Variants in CENPW observed in about 807,000 individuals in gnomAD.
CENPW encodes centromere protein W.
A neutral mutation model predicts 11.1 loss-of-function variants in CENPW; 3 were observed. That is an observed-to-expected ratio of 0.27 (90% CI 0.12 to 0.70). The LOEUF is 0.70. Among genes scored for constraint, CENPW ranks in the 30% least tolerant of loss-of-function variants. The pLI, the probability that CENPW is intolerant of heterozygous loss-of-function variation, is 0.77. For synonymous variants in CENPW, 38 were observed against 42.0 expected (o/e 0.91, Z 0.37); for missense variants, 100 against 105.6 (o/e 0.95, Z 0.23).
At chr6:126,482,112 G>T in the CENPW span, among the ~76,000 whole-genome samples, 1 of 152,006 alleles carries the variant, frequency 6.6e-6, no homozygotes, top group African/African-American at 2.4e-5. Flanking sequence ...TTGTGGTAGA[G>T]AATTTTTATT....
chr6:126,355,989 G>A, the CENPW span, among the ~76,000 whole-genome samples: 1 of 152,084 alleles, frequency 6.6e-6, no homozygotes, highest in Non-Finnish European at 1.5e-5. Flanking sequence ...TAACTGTAAG[G>A]ATAACAATCC....
chr6:126,350,561 T>C (rs1185574904), downstream of CENPW, among the ~76,000 whole-genome samples: 2 of 152,172 alleles, frequency 1.3e-5, no homozygotes, highest in Non-Finnish European at 2.9e-5. Context: ...TGTAAGAATT[T>C]TGGGGGACAC....
In CENPW at chr6:126,348,826, A is replaced by G. The variant is rs1308046136; in HGVS notation, c.*334A>G. Reference sequence around the variant, plus strand: ...GTACTTCTTAGAATTAAGTTTATATATATTTAGATTTAGCCACAGTTAACT... The same window carrying G: ...GTACTTCTTAGAATTAAGTTTATATGTATTTAGATTTAGCCACAGTTAACT... On this transcript the variant is annotated 3_prime_UTR_variant, in exon 3 of 3. Coordinates refer to ENST00000368328, the MANE Select transcript of CENPW (RefSeq NM_001012507.4). 1 of 168,776 alleles carries G rather than the reference A, an allele frequency of 5.9e-6. No homozygotes were observed. Among genetic ancestry groups the G allele is most frequent in the African/African-American group, 2.4e-5 (1 of 42,094 alleles). The allele number at this position is 168,776 out of a possible 1,614,324, so 10.5% of individuals were successfully genotyped here.
the CENPW span, among the ~76,000 whole-genome samples, chr6:126,388,259 A>G: frequency 1.3e-5 from 2 of 152,006 alleles, no homozygotes; most frequent in Non-Finnish European, 2.9e-5. Flanking sequence ...CTTAAAAAAT[A>G]CCAGATGCTA....
chr6:126,426,514 A>G, the CENPW span, among the ~76,000 whole-genome samples: 1 of 152,184 alleles, frequency 6.6e-6, no homozygotes, highest in Non-Finnish European at 1.5e-5. Context: ...ATCAATAATC[A>G]AGATATACAT....
the CENPW span, among the ~76,000 whole-genome samples, chr6:126,383,603 GA>G: frequency 6.7e-6 from 1 of 149,680 alleles, no homozygotes; most frequent in Admixed American, 6.6e-5. Flanking sequence ...ATGGAAAAAA[GA>G]AAAAAAAATC....
chr6:126,417,057 C>T, the CENPW span, among the ~76,000 whole-genome samples: 1 of 152,200 alleles, frequency 6.6e-6, no homozygotes, highest in South Asian at 2.1e-4. Context: ...AGGATGTACT[C>T]TTCAAAGCCA....
At chr6:126,401,432 A>G in the CENPW span, among the ~76,000 whole-genome samples, 1 of 151,620 alleles carries the variant, frequency 6.6e-6, no homozygotes. Flanking sequence ...GGTGGATGGG[A>G]TTGTCCTGTT....
At chr6:126,399,820 G>A in the CENPW span, among the ~76,000 whole-genome samples, 1 of 151,866 alleles carries the variant, frequency 6.6e-6, no homozygotes, top group Admixed American at 6.6e-5. Context: ...GTTTCTTGGT[G>A]CCCTTTCTAG....
At chr6:126,366,314 G>T in the CENPW span, among the ~76,000 whole-genome samples, 1 of 151,992 alleles carries the variant, frequency 6.6e-6, no homozygotes, top group Non-Finnish European at 1.5e-5. Context: ...TTGCTAAACT[G>T]TTTAGTGAAA....
At chr6:126,395,419 C>T in the CENPW span, among the ~76,000 whole-genome samples, 1 of 152,102 alleles carries the variant, frequency 6.6e-6, no homozygotes, top group Admixed American at 6.5e-5. Context: ...AAATTTATCT[C>T]ATAGAACTCA....
chr6:126,473,270 G>A, the CENPW span, among the ~76,000 whole-genome samples: 1 of 152,024 alleles, frequency 6.6e-6, no homozygotes, highest in Non-Finnish European at 1.5e-5. Flanking sequence ...AATCTCTTAA[G>A]TAAATACCTA....
At chr6:126,411,741 C>T in the CENPW span, among the ~76,000 whole-genome samples, 5 of 152,112 alleles carry the variant, frequency 3.3e-5, no homozygotes, top group Non-Finnish European at 7.4e-5. Context: ...AAAGAAGCTT[C>T]AATTTGGGAA....
At chr6:126,365,530 G>A in the CENPW span, among the ~76,000 whole-genome samples, 1 of 152,098 alleles carries the variant, frequency 6.6e-6, no homozygotes, top group African/African-American at 2.4e-5. Context: ...TCTGTTATGA[G>A]AACAGCAAGG....
the CENPW span, among the ~76,000 whole-genome samples, chr6:126,475,837 C>T: frequency 6.6e-6 from 1 of 151,992 alleles, no homozygotes; most frequent in African/African-American, 2.4e-5. Context: ...TCAGTTTACA[C>T]CACTCTTGAT....
the CENPW span, among the ~76,000 whole-genome samples, chr6:126,396,226 G>A: frequency 6.6e-6 from 1 of 152,016 alleles, no homozygotes. Context: ...AAGCTACCAT[G>A]ACTAAGCTGA....
the CENPW span, among the ~76,000 whole-genome samples, chr6:126,472,900 T>C: frequency 2.0e-5 from 3 of 152,160 alleles, no homozygotes; most frequent in Non-Finnish European, 4.4e-5. Context: ...TTTAAAAAAG[T>C]CAACCAAAGA....
the CENPW span, among the ~76,000 whole-genome samples, chr6:126,387,056 T>G: frequency 6.6e-6 from 1 of 152,130 alleles, no homozygotes; most frequent in Admixed American, 6.6e-5. Context: ...GTTAACTGAC[T>G]AGTGAAACAA....
At chr6:126,347,903 A>G (rs573393660) in intron 2 of CENPW, among the ~76,000 whole-genome samples, 1 of 151,992 alleles carries the variant, frequency 6.6e-6, no homozygotes, top group South Asian at 2.1e-4. Flanking sequence ...ACAGACTATT[A>G]TTTTGAAAAT....
Sources: gnomAD v4.1 joint callset for allele counts (sites outside exome capture counted in the v4.1 genomes callset) on GRCh38, gnomAD v4.1.1 for gene constraint, MANE v1.5 for transcripts, NCBI Gene and HGNC (gene_info 2026-07-23, HGNC 2026-07-21) for gene names.